DOC2A: variants seen among roughly 807,000 people sequenced by gnomAD.
DOC2A encodes the protein double C2 domain alpha.
Under a neutral mutation model 40.6 loss-of-function variants are expected in DOC2A, and 28 were observed. The ratio of observed to expected loss-of-function variants is 0.69; its 90% CI spans 0.51 to 0.95. DOC2A has a LOEUF of 0.95. Among genes scored for constraint, DOC2A ranks in the 40% least tolerant of loss-of-function variants. DOC2A has a pLI of 0.00. For synonymous variants in DOC2A, 241 were observed against 236.9 expected, an observed-to-expected ratio of 1.02 and a Z score of -0.16; for missense variants, 474 against 552.5, an observed-to-expected ratio of 0.86 and a Z score of 1.42.
intron 1 of DOC2A, among the ~76,000 whole-genome samples, chr16:30,020,547 GA>G (rs1266258339): frequency 1.3e-5 from 2 of 151,450 alleles, no homozygotes; most frequent in African/African-American, 2.4e-5. Context: ...TCTCTGCAAA[GA>G]AAAAAAGAAG....
rs1431086363 is a variant in DOC2A at position 30,006,006 on chromosome 16, A to C, written c.*180T>G. The C allele has an allele frequency of 2.9e-6, 2 of 681,702 alleles. No individual in the cohort carries two copies. Among genetic ancestry groups the C allele is most frequent in the Non-Finnish European group, 4.9e-6 (2 of 411,692 alleles). The allele number at this position is 681,702 out of a possible 1,614,324, so 42.2% of individuals were successfully genotyped here. A position where few individuals can be genotyped will look rare whatever the true frequency, so the allele number is the denominator to read the frequency against. On this transcript the variant is annotated 3_prime_UTR_variant, in exon 11 of 11. Transcript: ENST00000350119. This position sits in a 1 kb window ranked among gnomAD's most constrained non-coding sequence, Gnocchi z 6.2. ...CTAGCGAGTCAGGCAGGAGGTTTGC[A>C]TATGTGAATATAGAACTCCGCAGCC...
Position 30,005,699 on chromosome 16 carries a change from CAG to C in DOC2A, c.*485_*486del. 1.8e-6 allele frequency: 1 copy of C among 545,460 alleles called. No homozygotes were observed. The highest frequency in any genetic ancestry group is 3.7e-5 in the Admixed American group (1 of 27,230). 33.8% of individuals were successfully genotyped at this position (545,460 alleles called of 1,614,324 possible). The stretch of plus-strand genomic sequence containing the variant: ...GAGCATCTGCCACCTGCTGGGGAGG[CAG>C]AGACCCTGCAATGGCCACCTCTTTA... On this transcript the variant is annotated 3_prime_UTR_variant, in exon 11 of 11. Coordinates refer to ENST00000350119, the MANE Select transcript of DOC2A (RefSeq NM_003586.3).
Position 30,009,612 on chromosome 16 carries a change from G to A in DOC2A, c.263-55C>T. On this transcript the variant is annotated intron_variant, in intron 2 of 10. Transcript: ENST00000350119. The surrounding 1 kb of genome is among the most constrained non-coding windows in gnomAD (Gnocchi z 4.1). ...GGTATGGAGACAGGTGTGTGCGAGA[G>A]GCCAGCAGGTGGGCACTGGCTCTGT... 3 of 1,473,034 alleles carry A rather than the reference G, an allele frequency of 2.0e-6. No individual in the cohort carries two copies. Among genetic ancestry groups the A allele is most frequent in the Non-Finnish European group, 9.3e-7 (1 of 1,080,986 alleles). The allele number at this position is 1,473,034 out of a possible 1,614,324, so 91.2% of individuals were successfully genotyped here.
chr16:30,016,055 A>ATATATATATATATAT (rs1163519904), upstream of DOC2A, among the ~76,000 whole-genome samples: 2 of 16,896 alleles, frequency 1.2e-4, no homozygotes, highest in East Asian at 2.8e-3. Flanking sequence ...ATATATATAT[A>ATATATATATATATAT]TTTTTTTTTT....
In DOC2A at chr16:30,007,293, G is replaced by A. The variant is rs1462431873; in HGVS notation, c.534C>T (p.Ala178=). 1.3e-5 allele frequency: 21 copies of A among 1,613,702 alleles called. No homozygotes were observed. The highest frequency in any genetic ancestry group is 1.7e-5 in the Non-Finnish European group (20 of 1,180,044). The change falls in exon 6 of 11, where the codon GCC becomes GCT. Residue 178 remains alanine (A), a synonymous_variant. Transcript: ENST00000350119. ...GACTCAGCTTGTCCTCATCACAGAC[G>A]GCGATCCTGGTCGGGAACTGCAGTG... ...DDITHKVLRI[A]VCDEDKLSHN...
rs750106154 is a variant in DOC2A at position 30,007,188 on chromosome 16, G to A, written c.639C>T (p.Leu213=). Residue 213 remains leucine (L), a synonymous_variant, in exon 6 of 11, where the codon CTC becomes CTT. Coordinates refer to ENST00000350119, the MANE Select transcript of DOC2A (RefSeq NM_003586.3). ...PSQKKHFNIC[L]ERQVPLASPS... ...CCACACAGACCGGGACCTGGCGCTCGAGGCAGATGTTAAAATGCTTCTTCT... is the reference window on the plus strand; with the variant it reads ...CCACACAGACCGGGACCTGGCGCTCAAGGCAGATGTTAAAATGCTTCTTCT... 29 of 1,613,868 alleles carry A rather than the reference G, an allele frequency of 1.8e-5. No homozygotes were observed. The Admixed American group carries it at 2.8e-4, about 16-fold the overall frequency.
intron 1 of DOC2A, among the ~76,000 whole-genome samples, chr16:30,017,568 G>C (rs993356348): frequency 3.9e-5 from 6 of 152,098 alleles, no homozygotes; most frequent in Non-Finnish European, 8.8e-5. Context: ...ACATGTTCTC[G>C]TAAGTGGGAG....
intron 1 of DOC2A, among the ~76,000 whole-genome samples, chr16:30,020,208 C>CT (rs1425669929): frequency 6.6e-6 from 1 of 151,624 alleles, no homozygotes; most frequent in Non-Finnish European, 1.5e-5. Context: ...CGCGCCCAGC[C>CT]TTTTTTTGGA....
chr16:30,017,961 G>A (rs776686193), intron 1 of DOC2A, among the ~76,000 whole-genome samples: 8 of 109,366 alleles, frequency 7.3e-5, no homozygotes, highest in South Asian at 2.6e-4. Context: ...CTCTGTCTCC[G>A]GAAAAAAAAA....
intron 1 of DOC2A, among the ~76,000 whole-genome samples, chr16:30,020,561 G>A (rs1247093349): frequency 6.6e-6 from 1 of 151,766 alleles, no homozygotes; most frequent in Non-Finnish European, 1.5e-5. Context: ...AAAAGAAGTA[G>A]GCTGGGCGCA....
At chr16:30,007,451 A>T (rs1460553394) in intron 5 of DOC2A, 152 bp from the exon 6 acceptor site, 1 of 1,076,530 alleles carries the variant, frequency 9.3e-7, no homozygotes, top group African/African-American at 1.6e-5. Flanking sequence ...AGATTTGCCC[A>T]TTCCTCTGTC....
chr16:30,015,701 CTT>C (rs71276819), upstream of DOC2A, among the ~76,000 whole-genome samples: 21 of 122,974 alleles, frequency 1.7e-4, no homozygotes, highest in Non-Finnish European at 2.2e-4. Flanking sequence ...CTTCCTTTTT[CTT>C]TTTTTTTTTT....
rs1436340737 is a variant in DOC2A, at chr16:30,006,343, G to A, written c.1058-12C>T. ...CAGGGACACGCCACCTGGGGAGCAG[G>A]TGGGCAGGGTCAGGGCCACCTCCCT... On this transcript the variant is annotated splice_polypyrimidine_tract_variant and intron_variant, in intron 10 of 10. Coordinates refer to ENST00000350119, the MANE Select transcript of DOC2A (RefSeq NM_003586.3). The surrounding 1 kb of genome is among the most constrained non-coding windows in gnomAD (Gnocchi z 6.2). The A allele has an allele frequency of 6.2e-7, 1 of 1,612,256 alleles. No homozygotes were observed. The highest frequency in any genetic ancestry group is 1.7e-5 in the Admixed American group (1 of 60,018).
upstream of DOC2A, among the ~76,000 whole-genome samples, chr16:30,013,269 CTTTT>C (rs760313011): frequency 9.1e-6 from 1 of 110,428 alleles, no homozygotes; most frequent in Non-Finnish European, 1.9e-5. Context: ...TTTTTCTTTT[CTTTT>C]TTTTTTTTTT....
At chr16:30,015,754 G>A (rs1307288697), upstream of DOC2A, among the ~76,000 whole-genome samples, 3 of 134,668 alleles carry the variant, frequency 2.2e-5, no homozygotes, top group Admixed American at 8.3e-5. Flanking sequence ...AGGCTGGAGT[G>A]CAGTGGCAAG....
rs1376156059 is a variant in DOC2A at position 30,010,930 on chromosome 16, TG to T, written c.-42del. On this transcript the variant is annotated 5_prime_UTR_variant, in exon 1 of 11. Transcript: ENST00000350119. This position sits in a 1 kb window ranked among gnomAD's most constrained non-coding sequence, Gnocchi z 4.2. Reference sequence around the variant, plus strand: ...CTGCCTCCAACAGGTGCCCAGGCACTGGGGGGACGGCGGGCGCAGGCTGGGC... The same window carrying T: ...CTGCCTCCAACAGGTGCCCAGGCACTGGGGGACGGCGGGCGCAGGCTGGGC... 3.9e-6 allele frequency: 4 copies of T among 1,013,502 alleles called. No individual in the cohort carries two copies. The highest frequency in any genetic ancestry group is 6.9e-5 in the South Asian group (2 of 28,788). 62.8% of individuals were successfully genotyped at this position (1,013,502 alleles called of 1,614,324 possible).
chr16:30,005,967 CA>C lies in DOC2A; in HGVS notation c.*218del. On this transcript the variant is annotated 3_prime_UTR_variant, in exon 11 of 11. Transcript: ENST00000350119. Reference sequence around the variant, plus strand: ...GGGTGTGCAGATGATGGGGGGTTTGCATATTTGCAGGGACTAGCGAGTCAGG... The same window carrying C: ...GGGTGTGCAGATGATGGGGGGTTTGCTATTTGCAGGGACTAGCGAGTCAGG... 1 of 614,014 alleles carries C rather than the reference CA, an allele frequency of 1.6e-6. No homozygotes were observed. Among genetic ancestry groups the C allele is most frequent in the Non-Finnish European group, 2.8e-6 (1 of 353,948 alleles). The allele number at this position is 614,014 out of a possible 1,614,324, so 38.0% of individuals were successfully genotyped here.
rs374545340 is a variant in DOC2A at position 30,009,100 on chromosome 16, A to G, written c.423T>C (p.Asn141=). Residue 141 remains asparagine, a synonymous_variant, in exon 5 of 11, where the codon AAT becomes AAC. Transcript: ENST00000350119. This position sits in a 1 kb window ranked among gnomAD's most constrained non-coding sequence, Gnocchi z 4.1. ...TCCTCTGAGTCTTCGTTTTTAGCTT[A>G]TTGGCCTGGGATGTGGGGATGAAAG... The part of the protein sequence containing the change: ...LHLLPGACKA[N]KLKTKTQRNT... The G allele has an allele frequency of 1.4e-5, 22 of 1,577,936 alleles. No individual in the cohort carries two copies. Among genetic ancestry groups the G allele is most frequent in the Middle Eastern group, 3.4e-4 (2 of 5,876 alleles).
At position 30,006,784 on chromosome 16, in the gene DOC2A, C is replaced by T. The variant is rs760164397; in HGVS notation, c.878+1G>A. On this transcript the variant is annotated splice_donor_variant, in intron 8 of 10. Coordinates refer to ENST00000350119, the MANE Select transcript of DOC2A (RefSeq NM_003586.3). LOFTEE classifies it high-confidence loss of function. This position sits in a 1 kb window ranked among gnomAD's most constrained non-coding sequence, Gnocchi z 6.2. ...AGGAGAGGGTCAGAGCAAGGGCTCACGTCTTGACGTAGGGGTCCGAGTAAC... is the reference window on the plus strand; with the variant it reads ...AGGAGAGGGTCAGAGCAAGGGCTCATGTCTTGACGTAGGGGTCCGAGTAAC... 15 of 1,613,766 alleles carry T rather than the reference C, an allele frequency of 9.3e-6. No homozygotes were observed. Among genetic ancestry groups the T allele is most frequent in the East Asian group, 4.5e-5 (2 of 44,840 alleles).
Sources: gnomAD v4.1 joint callset for allele counts (sites outside exome capture counted in the v4.1 genomes callset) on GRCh38, gnomAD v4.1.1 for gene constraint, Gnocchi (gnomAD v3.1) non-coding constraint, MANE v1.5 for transcripts, NCBI Gene and HGNC (gene_info 2026-07-23, HGNC 2026-07-21) for gene names.